The following ALDH1L1 variants were observed in gnomAD, a reference collection of about 807,000 sequenced individuals.
The protein encoded by ALDH1L1 is cytosolic 10-formyltetrahydrofolate dehydrogenase.
ALDH1L1 carries 68 observed loss-of-function variants against 101.1 expected under a neutral mutation model. That is an observed-to-expected ratio of 0.67 (90% CI 0.55 to 0.82). The LOEUF is 0.82. ALDH1L1 is among the 40% of genes least tolerant of loss of function. The pLI is 0.00. For missense variants in ALDH1L1, 1,087 were observed against 1,172.7 expected (o/e 0.93, Z 1.07); for synonymous variants, 486 against 470.8 (o/e 1.03, Z -0.42).
chr3:126,148,872 G>A (rs1369733753), intron 8 of ALDH1L1, among the ~76,000 whole-genome samples: 2 of 152,208 alleles, frequency 1.3e-5, no homozygotes, highest in African/African-American at 4.8e-5. Context: ...GACACTTGCT[G>A]TCTAGGGGGT....
chr3:126,182,506 G>A (rs2108349677), upstream of ALDH1L1, among the ~76,000 whole-genome samples: 1 of 152,246 alleles, frequency 6.6e-6, no homozygotes, highest in South Asian at 2.1e-4. Context: ...CATGTCTCTG[G>A]ACAATGATGG....
At position 126,159,358 on chromosome 3, in the gene ALDH1L1, G is replaced by A. The variant is rs1425447950; in HGVS notation, c.128-719C>T. 1.1e-5 allele frequency: 5 copies of A among 448,024 alleles called. No individual in the cohort carries two copies. The East Asian group carries it at 3.5e-4, about 31-fold the overall frequency. The allele number at this position is 448,024 out of a possible 1,614,324, so 27.8% of individuals were successfully genotyped here. A position where few individuals can be genotyped will look rare whatever the true frequency, so the allele number is the denominator to read the frequency against. ...AAGCTCCCAAGTTTTTATAGTTAAAGCGTCCTCCTTTATCTTAGCCTTACA... is the reference window on the plus strand; with the variant it reads ...AAGCTCCCAAGTTTTTATAGTTAAAACGTCCTCCTTTATCTTAGCCTTACA... On this transcript the variant is annotated intron_variant, in intron 2 of 22. Transcript: ENST00000393434.
At chr3:126,167,681 C>G (rs1432071063) in intron 1 of ALDH1L1, among the ~76,000 whole-genome samples, 1 of 151,800 alleles carries the variant, frequency 6.6e-6, no homozygotes, top group Non-Finnish European at 1.5e-5. Context: ...CTTTAGACTC[C>G]TCTGTGACTA....
chr3:126,155,435 G>C lies in ALDH1L1; in HGVS notation c.597C>G (p.Thr199=). Residue 199 remains threonine (T), a synonymous_variant, in exon 5 of 23, where the codon ACC becomes ACG. Coordinates refer to ENST00000393434, the MANE Select transcript of ALDH1L1 (RefSeq NM_012190.4). ...PRLPQPEEGA[T]YEGIQKKETA... is the part of the protein sequence containing the mutation. ...TCTCCTTCTTCTGAATCCCCTCATA[G>C]GTGGCTCCTTCCTCAGGCTGAGGGA... 1 of 1,613,218 alleles carries C rather than the reference G, an allele frequency of 6.2e-7. No individual in the cohort carries two copies. The highest frequency in any genetic ancestry group is 1.1e-5 in the South Asian group (1 of 90,758).
chr3:126,164,862 T>G (rs1027641688), intron 1 of ALDH1L1, among the ~76,000 whole-genome samples: 9 of 152,216 alleles, frequency 5.9e-5, no homozygotes, highest in Admixed American at 3.9e-4. Flanking sequence ...AAGCGTTGTT[T>G]TCTCTATAGC....
chr3:126,158,324 T>A (rs1576472095), intron 3 of ALDH1L1, 81 bp downstream of exon 3: 2 of 1,342,222 alleles, frequency 1.5e-6, no homozygotes, highest in East Asian at 5.1e-5. Context: ...TAGAAATGCT[T>A]TGGGCTAATG....
chr3:126,115,086 T>G (rs1250569830), intron 17 of ALDH1L1: 7 of 457,218 alleles, frequency 1.5e-5, no homozygotes, highest in Non-Finnish European at 3.1e-5. Flanking sequence ...CTGGGTCCTA[T>G]TACAGCCCCG....
chr3:126,185,526 T>C (rs1431583409), upstream of ALDH1L1, among the ~76,000 whole-genome samples: 1 of 152,082 alleles, frequency 6.6e-6, no homozygotes, highest in Admixed American at 6.5e-5. Context: ...GTGATGACTT[T>C]AACCAGCAAA....
chr3:126,178,867 G>C (rs986188464), intron 1 of ALDH1L1, among the ~76,000 whole-genome samples: 2 of 151,322 alleles, frequency 1.3e-5, no homozygotes, highest in African/African-American at 2.4e-5. Context: ...GGTTTCAGAG[G>C]TTTTTGACGA....
intron 1 of ALDH1L1, among the ~76,000 whole-genome samples, chr3:126,175,387 G>A (rs1379260803): frequency 6.6e-6 from 1 of 152,004 alleles, no homozygotes; most frequent in African/African-American, 2.4e-5. Context: ...AATTACCCTG[G>A]TACCAAAACC....
chr3:126,151,392 G>C (rs907277998), intron 7 of ALDH1L1: 1 of 152,172 alleles, frequency 6.6e-6, no homozygotes, highest in African/African-American at 2.4e-5. Context: ...GGTAGAGCCT[G>C]CGTCCAGCCA....
chr3:126,157,245 A>G, intron 4 of ALDH1L1, 98 bp downstream of exon 4: 1 of 1,423,060 alleles, frequency 7.0e-7, no homozygotes, highest in Non-Finnish European at 9.4e-7. Flanking sequence ...GAATTTGGGG[A>G]ACAGATTCCT....
At chr3:126,108,786 G>C (rs555779783) in intron 20 of ALDH1L1, among the ~76,000 whole-genome samples, 1 of 152,342 alleles carries the variant, frequency 6.6e-6, no homozygotes, top group East Asian at 1.9e-4. Flanking sequence ...CCTCTGGAGA[G>C]AATGAAATGC....
intron 1 of ALDH1L1, chr3:126,197,614 G>T (rs2081588689): frequency 6.6e-6 from 1 of 152,088 alleles, no homozygotes; most frequent in Non-Finnish European, 1.5e-5. Context: ...TCAGAAATTT[G>T]CTCAAAGAAA....
In ALDH1L1 at chr3:126,112,744, G is replaced by A. The variant is rs766657714; in HGVS notation, c.2181+38C>T. 8.8e-6 allele frequency: 14 copies of A among 1,596,930 alleles called. No homozygotes were observed. In the East Asian group the frequency reaches 2.9e-4, roughly 33 times the overall value. ...CCTCCAGCCAGGCGCTGCTGTCCCA[G>A]TGAACCAGCCGCCCGCAGACCCTGG... is the stretch of plus-strand genomic sequence containing the variant. On this transcript the variant is annotated intron_variant, in intron 19 of 22. Transcript: ENST00000393434.
intron 11 of ALDH1L1, among the ~76,000 whole-genome samples, chr3:126,136,292 T>C (rs551017372): frequency 8.5e-5 from 13 of 152,334 alleles, no homozygotes; most frequent in African/African-American, 2.9e-4. Flanking sequence ...ACCTGTGTTT[T>C]GGATATGTTC....
chr3:126,151,248 A>C (rs1375339461), intron 7 of ALDH1L1: 1 of 152,256 alleles, frequency 6.6e-6, no homozygotes, highest in Non-Finnish European at 1.5e-5. Flanking sequence ...AGCTCCCAGA[A>C]CTGCCACAGA....
At chr3:126,179,559 C>T (rs2081431393) in intron 1 of ALDH1L1, among the ~76,000 whole-genome samples, 1 of 152,154 alleles carries the variant, frequency 6.6e-6, no homozygotes, top group South Asian at 2.1e-4. Flanking sequence ...GGGCCAGGCG[C>T]GGGGCAGTCT....
chr3:126,122,467 ATAG>A (rs1306979216), intron 16 of ALDH1L1, among the ~76,000 whole-genome samples: 1 of 152,228 alleles, frequency 6.6e-6, no homozygotes, highest in Non-Finnish European at 1.5e-5. Flanking sequence ...ATGACACCAG[ATAG>A]TAGCTCAAAT....
Sources: allele counts gnomAD v4.1 joint callset (sites outside exome capture counted in the v4.1 genomes callset), GRCh38; gene constraint gnomAD v4.1.1; transcripts MANE v1.5; gene names NCBI Gene and HGNC (gene_info 2026-07-23, HGNC 2026-07-21).